MSI2: variants seen among roughly 807,000 people sequenced by gnomAD.
The protein encoded by MSI2 is RNA-binding protein Musashi homolog 2.
MSI2 carries 17 observed loss-of-function variants against 45.6 expected under a neutral mutation model. The ratio of observed to expected loss-of-function variants is 0.37; its 90% CI spans 0.26 to 0.56. MSI2 has a LOEUF of 0.56. MSI2 is among the 20% of genes least tolerant of loss of function. The probability of loss-of-function intolerance (pLI) is 0.77; values close to 1 mark genes in which losing one functional copy is unlikely to be tolerated. For synonymous variants in MSI2, 156 were observed against 158.2 expected (o/e 0.99, Z 0.11); for missense variants, 293 against 444.2 (o/e 0.66, Z 3.06).
intron 6 of MSI2, among the ~76,000 whole-genome samples, chr17:57,480,417 T>G (rs1241570266): frequency 6.6e-6 from 1 of 152,206 alleles, no homozygotes; most frequent in Admixed American, 6.5e-5. Context: ...TTCTTAATAT[T>G]TCTTAGGCCA....
chr17:57,555,474 G>A (rs545983000), intron 7 of MSI2, among the ~76,000 whole-genome samples: 4 of 152,224 alleles, frequency 2.6e-5, no homozygotes, highest in South Asian at 2.1e-4. Context: ...CCTGCTCAGC[G>A]CAGCAGGGAC....
intron 10 of MSI2, chr17:57,629,971 T>C (rs941101991): frequency 3.3e-5 from 5 of 152,288 alleles, no homozygotes; most frequent in African/African-American, 1.2e-4. Context: ...GACCCTATGC[T>C]AAGGCCCCTG....
intron 6 of MSI2, among the ~76,000 whole-genome samples, chr17:57,500,778 C>A (rs1484766726): frequency 7.6e-6 from 1 of 130,842 alleles, no homozygotes; most frequent in Non-Finnish European, 1.6e-5. Context: ...TTCGAGGCCA[C>A]CCTGTCTCTA....
intron 5 of MSI2, chr17:57,267,132 T>C (rs1907871234): frequency 6.6e-6 from 1 of 152,288 alleles, no homozygotes; most frequent in Non-Finnish European, 1.5e-5. Flanking sequence ...TCTTGGATGA[T>C]CTGCAGCTGT....
At chr17:57,486,965 G>A (rs1256082580) in intron 6 of MSI2, among the ~76,000 whole-genome samples, 2 of 152,196 alleles carry the variant, frequency 1.3e-5, no homozygotes, top group Non-Finnish European at 2.9e-5. Context: ...CTGGGTGCAT[G>A]CAAAGTGCTT....
intron 5 of MSI2, among the ~76,000 whole-genome samples, chr17:57,300,167 ACGTG>A (rs1012860291): frequency 1.3e-5 from 2 of 151,986 alleles, no homozygotes; most frequent in African/African-American, 4.8e-5. Flanking sequence ...GCCTTTGGTG[ACGTG>A]CTGTCATTCT....
rs11454286 is a variant in MSI2 at position 57,681,819 on chromosome 17, TAA to T, written c.*2314_*2315del. On this transcript the variant is annotated 3_prime_UTR_variant, in exon 14 of 14. Transcript: ENST00000284073. ...AAAACAACAAAACATAAGTTTTATT[TAA>T]AAAAAAAAAAAGAAAGAAAAAATAG... 64 of 173,644 alleles carry T rather than the reference TAA, an allele frequency of 3.7e-4. No homozygotes were observed. The highest frequency in any genetic ancestry group is 8.4e-4 in the East Asian group (9 of 10,676). 10.8% of individuals were successfully genotyped at this position (173,644 alleles called of 1,614,324 possible).
intron 6 of MSI2, among the ~76,000 whole-genome samples, chr17:57,414,647 G>A (rs557399033): frequency 1.7e-4 from 26 of 152,218 alleles, no homozygotes; most frequent in East Asian, 3.9e-4. Context: ...GCATCTGCCC[G>A]TGTTGGCCTC....
intron 11 of MSI2, among the ~76,000 whole-genome samples, chr17:57,657,370 T>G (rs1478255045): frequency 3.9e-5 from 6 of 152,066 alleles, no homozygotes; most frequent in Non-Finnish European, 7.4e-5. Flanking sequence ...CTGTCAGGCT[T>G]CAGGGCTGCT....
chr17:57,494,519 G>A (rs1430694629), intron 6 of MSI2, among the ~76,000 whole-genome samples: 13 of 152,166 alleles, frequency 8.5e-5, no homozygotes, highest in South Asian at 2.1e-4. Flanking sequence ...AAGGACCTGC[G>A]TTTGGTCTTA....
chr17:57,338,520 A>AAAG (rs1032756814), intron 5 of MSI2, among the ~76,000 whole-genome samples: 1 of 152,168 alleles, frequency 6.6e-6, no homozygotes, highest in African/African-American at 2.4e-5. Flanking sequence ...GACCATAAAT[A>AAAG]AAGAATAAGG....
At chr17:57,548,947 C>T (rs922759294) in intron 7 of MSI2, among the ~76,000 whole-genome samples, 42 of 135,596 alleles carry the variant, frequency 3.1e-4, no homozygotes, top group Admixed American at 3.1e-3. Flanking sequence ...CTGAAAAGAT[C>T]TTTGGACTTT....
At chr17:57,289,560 C>T (rs572332389) in intron 5 of MSI2, among the ~76,000 whole-genome samples, 1 of 151,956 alleles carries the variant, frequency 6.6e-6, no homozygotes, top group African/African-American at 2.4e-5. Context: ...GTCTGTAAGA[C>T]GAGCCTGGAA....
In MSI2 at chr17:57,258,336, T is replaced by C. The variant is rs1907008773; in HGVS notation, c.252T>C (p.His84=). Residue 84 remains histidine (H), a synonymous_variant, in exon 4 of 14, where the codon CAT becomes CAC. Transcript: ENST00000284073. ...ATAAAGTATTAGGTCAGCCCCACCA[T>C]GAGTTAGATTCCAAGACGGTAGGTT... ...SVDKVLGQPH[H]ELDSKTIDPK... 2 of 1,613,488 alleles carry C rather than the reference T, an allele frequency of 1.2e-6. No homozygotes were observed. The highest frequency in any genetic ancestry group is 1.7e-6 in the Non-Finnish European group (2 of 1,179,602).
intron 5 of MSI2, among the ~76,000 whole-genome samples, chr17:57,293,909 GT>G (rs72240746): frequency 4.4e-4 from 64 of 145,416 alleles, no homozygotes; most frequent in African/African-American, 1.1e-3. Flanking sequence ...TGCCCAGCCT[GT>G]TTTTTTTTTT....
At chr17:57,296,844 T>C (rs1911001252) in intron 5 of MSI2, among the ~76,000 whole-genome samples, 1 of 152,214 alleles carries the variant, frequency 6.6e-6, no homozygotes, top group Non-Finnish European at 1.5e-5. Flanking sequence ...TTTGCATTTC[T>C]TCTGTCATTC....
chr17:57,387,314 C>A (rs932503948), intron 5 of MSI2, among the ~76,000 whole-genome samples: 1 of 152,130 alleles, frequency 6.6e-6, no homozygotes, highest in Non-Finnish European at 1.5e-5. Context: ...ATTTTTGCTG[C>A]GACTGTTGTT....
At chr17:57,412,336 C>A (rs1188595167) in intron 6 of MSI2, among the ~76,000 whole-genome samples, 1 of 152,144 alleles carries the variant, frequency 6.6e-6, no homozygotes, top group Non-Finnish European at 1.5e-5. Context: ...CCGCACCTGG[C>A]CAGTTTGTCT....
chr17:57,378,245 C>T (rs115593072), intron 5 of MSI2, among the ~76,000 whole-genome samples: 1,791 of 151,922 alleles, frequency 0.012, 35 homozygotes, highest in African/African-American at 0.039. Flanking sequence ...CCTCCATGTC[C>T]GGCTAAATTT....
Sources: gnomAD v4.1 joint callset for allele counts (sites outside exome capture counted in the v4.1 genomes callset) on GRCh38, gnomAD v4.1.1 for gene constraint, MANE v1.5 for transcripts, NCBI Gene and HGNC (gene_info 2026-07-23, HGNC 2026-07-21) for gene names.